PLCH1: variants seen among roughly 807,000 people sequenced by gnomAD.
PLCH1 encodes the protein phospholipase C eta 1.
A neutral mutation model predicts 126.7 loss-of-function variants in PLCH1; 60 were observed. That is an observed-to-expected ratio of 0.47 (90% CI 0.38 to 0.59). The LOEUF (loss-of-function observed/expected upper bound fraction) is 0.59. Among genes scored for constraint, PLCH1 ranks in the 20% least tolerant of loss-of-function variants. PLCH1 has a pLI of 0.00. For synonymous variants in PLCH1, 719 were observed against 734.9 expected, an observed-to-expected ratio of 0.98 and a Z score of 0.35; for missense variants, 1,723 against 2,040.0, an observed-to-expected ratio of 0.84 and a Z score of 2.99.
At chr3:155,734,916 A>C (rs1413546392) in intron 1 of PLCH1, among the ~76,000 whole-genome samples, 2 of 151,998 alleles carry the variant, frequency 1.3e-5, no homozygotes, top group East Asian at 3.9e-4. Flanking sequence ...TCACCATATT[A>C]GCCAGGATGG....
Position 155,724,306 on chromosome 3 carries a change from C to A in PLCH1, c.-40-20042G>T, listed in dbSNP as rs189013504. Among the ~76,000 whole-genome samples the A allele has an allele frequency of 1.8e-3, 279 of 152,286 alleles. 1 individual carries two copies. Among genetic ancestry groups the A allele is most frequent in the African/African-American group, 6.5e-3 (271 of 41,568 alleles). ...CATCTTTTTGTTGTTGACTTTCTGT[C>A]TTAATGACCTGTCTAGGTGCTGTCA... On this transcript the variant is annotated intron_variant, in intron 1 of 22. Coordinates refer to ENST00000460012, the MANE Select transcript of PLCH1 (RefSeq NM_014996.4).
In PLCH1 at chr3:155,490,443, A is replaced by G. The variant is rs1716008209; in HGVS notation, c.2392+341T>C. On this transcript the variant is annotated intron_variant, in intron 19 of 22. Coordinates refer to ENST00000460012, the MANE Select transcript of PLCH1 (RefSeq NM_014996.4). ...AGGCTTCACAAATGAGAGCTTTGAG[A>G]AAACGCATGTCATAAAAATACAATA... Among the ~76,000 whole-genome samples the G allele has an allele frequency of 2.0e-5, 3 of 152,198 alleles. No homozygotes were observed. The South Asian group carries it at 6.2e-4, about 31-fold the overall frequency.
intron 11 of PLCH1, among the ~76,000 whole-genome samples, chr3:155,517,069 G>A (rs1346893484): frequency 6.6e-6 from 1 of 152,150 alleles, no homozygotes; most frequent in Non-Finnish European, 1.5e-5. Flanking sequence ...CACTTTGGGA[G>A]GCCAAACTGG....
rs1028862080 is a variant in PLCH1 at position 155,676,350 on chromosome 3, G to T, written c.79+27796C>A. ...CTGCCGCTATTGTGGGAATGCAGGC[G>T]CTGTGGCTACTTTGGGTATGAGACA... On this transcript the variant is annotated intron_variant, in intron 2 of 22. Transcript: ENST00000460012. 5.6e-6 allele frequency: 6 copies of T among 1,066,296 alleles called. No homozygotes were observed. In the South Asian group the frequency reaches 1.3e-4, roughly 24 times the overall value. 66.1% of individuals were successfully genotyped at this position (1,066,296 alleles called of 1,614,324 possible).
At chr3:155,622,425 T>C (rs1736634559) in intron 2 of PLCH1, among the ~76,000 whole-genome samples, 1 of 152,154 alleles carries the variant, frequency 6.6e-6, no homozygotes, top group East Asian at 1.9e-4. Flanking sequence ...TAACCTTAAA[T>C]GTAAATGGGC....
intron 2 of PLCH1, among the ~76,000 whole-genome samples, chr3:155,697,079 C>A (rs1376807452): frequency 1.3e-5 from 2 of 152,172 alleles, no homozygotes; most frequent in South Asian, 2.1e-4. Context: ...ACAGAGAGAT[C>A]ACAGTGGGTT....
At chr3:155,618,453 C>T (rs768801059) in intron 2 of PLCH1, among the ~76,000 whole-genome samples, 8 of 152,104 alleles carry the variant, frequency 5.3e-5, no homozygotes, top group Non-Finnish European at 1.0e-4. Flanking sequence ...GTAACTAAGA[C>T]GTTTTGAGTT....
chr3:155,460,714 A>C (rs1712678396), intron 21 of PLCH1, among the ~76,000 whole-genome samples: 1 of 152,172 alleles, frequency 6.6e-6, no homozygotes, highest in African/African-American at 2.4e-5. Flanking sequence ...CATTTCATCT[A>C]TCTGGTCTCT....
intron 2 of PLCH1, among the ~76,000 whole-genome samples, chr3:155,692,464 A>T (rs568746324): frequency 7.6e-6 from 1 of 131,350 alleles, no homozygotes; most frequent in East Asian, 2.1e-4. Flanking sequence ...GAATGAATGG[A>T]TGGATGGATG....
intron 10 of PLCH1, among the ~76,000 whole-genome samples, chr3:155,531,478 A>G (rs1344030234): frequency 6.6e-6 from 1 of 152,192 alleles, no homozygotes; most frequent in Non-Finnish European, 1.5e-5. Context: ...TACAAAAATT[A>G]GCTGGGCGTG....
chr3:155,583,338 A>G (rs1024691401), intron 6 of PLCH1, 134 bp downstream of exon 6: 99 of 655,626 alleles, frequency 1.5e-4, no homozygotes, highest in Non-Finnish European at 2.3e-4. Flanking sequence ...TGACTCATAG[A>G]TAAGATTTTT....
At chr3:155,542,623 C>A (rs1387599174) in intron 10 of PLCH1, among the ~76,000 whole-genome samples, 1 of 152,196 alleles carries the variant, frequency 6.6e-6, no homozygotes, top group Admixed American at 6.5e-5. Flanking sequence ...AGCAGCCTAA[C>A]TGGGAGGCAC....
intron 1 of PLCH1, among the ~76,000 whole-genome samples, chr3:155,712,044 TG>T (rs902258629): frequency 6.6e-6 from 1 of 152,210 alleles, no homozygotes; most frequent in African/African-American, 2.4e-5. Context: ...TTCTCTTTTT[TG>T]TTTTATTTAG....
chr3:155,492,243 G>GA (rs1189921902), intron 18 of PLCH1, among the ~76,000 whole-genome samples: 6 of 152,094 alleles, frequency 3.9e-5, no homozygotes, highest in East Asian at 1.9e-4. Context: ...GCTCTGGAAA[G>GA]AAAAAAGACT....
rs558754623 is a variant in PLCH1 at position 155,493,019 on chromosome 3, C to T, written c.2183-166G>A. Among the ~76,000 whole-genome samples, 3 of 152,310 alleles carry T rather than the reference C, an allele frequency of 2.0e-5. No individual in the cohort carries two copies. The East Asian group carries it at 5.8e-4, about 29-fold the overall frequency. On this transcript the variant is annotated intron_variant, in intron 17 of 22. Coordinates refer to ENST00000460012, the MANE Select transcript of PLCH1 (RefSeq NM_014996.4). The stretch of plus-strand genomic sequence containing the variant: ...TGGTTTTCATTAGAAACCATGTTGC[C>T]AAAGGCCAGTGGAGTGGGCCAACTT...
At chr3:155,581,338 C>T (rs181122898) in intron 6 of PLCH1, among the ~76,000 whole-genome samples, 13 of 152,304 alleles carry the variant, frequency 8.5e-5, no homozygotes, top group Admixed American at 5.2e-4. Flanking sequence ...ACACAAAAAC[C>T]TGTACATGAA....
At chr3:155,557,876 A>G (rs558648305) in intron 8 of PLCH1, among the ~76,000 whole-genome samples, 1 of 152,282 alleles carries the variant, frequency 6.6e-6, no homozygotes, top group East Asian at 1.9e-4. Flanking sequence ...ATAACTGGAG[A>G]AGTCATAAAC....
chr3:155,600,874 C>G (rs1054738885), intron 2 of PLCH1, among the ~76,000 whole-genome samples: 1 of 152,156 alleles, frequency 6.6e-6, no homozygotes, highest in African/African-American at 2.4e-5. Context: ...AAGAGCAGAA[C>G]AGATGAGTCG....
intron 15 of PLCH1, among the ~76,000 whole-genome samples, chr3:155,495,016 A>G (rs914147470): frequency 1.3e-5 from 2 of 152,188 alleles, no homozygotes; most frequent in African/African-American, 4.8e-5. Context: ...ATAAAGGAAA[A>G]TGAACAATTA....
Sources: allele counts gnomAD v4.1 joint callset (sites outside exome capture counted in the v4.1 genomes callset), GRCh38; gene constraint gnomAD v4.1.1; transcripts MANE v1.5; gene names NCBI Gene and HGNC (gene_info 2026-07-23, HGNC 2026-07-21).